The following NLGN4X variants were observed in gnomAD, a reference collection of about 807,000 sequenced individuals.
NLGN4X encodes neuroligin-4, X-linked.
Under a neutral mutation model 40.3 loss-of-function variants are expected in NLGN4X, and 3 were observed. That is an observed-to-expected ratio of 0.07 (90% CI 0.03 to 0.19). The LOEUF (loss-of-function observed/expected upper bound fraction) is 0.19. Among genes scored for constraint, NLGN4X ranks in the 10% least tolerant of loss-of-function variants. The pLI is 1.00. For synonymous variants in NLGN4X, 270 were observed against 306.8 expected, an observed-to-expected ratio of 0.88 and a Z score of 1.25; for missense variants, 382 against 708.3, an observed-to-expected ratio of 0.54 and a Z score of 5.23.
Position 6,037,380 on chromosome X carries a change from A to T in NLGN4X, c.473-7948T>A, listed in dbSNP as rs183629847. On this transcript the variant is annotated intron_variant, in intron 2 of 5. Coordinates refer to ENST00000381095, the MANE Select transcript of NLGN4X (RefSeq NM_181332.3). ...AAGACTATTGTCAAAGTGAAAATTA[A>T]CATCAAAGGAAAACCTCACAGTCAC... Among the ~76,000 whole-genome samples, 3 of 111,003 alleles carry T rather than the reference A, an allele frequency of 2.7e-5. No homozygotes were observed. In the East Asian group the frequency reaches 8.4e-4, roughly 31 times the overall value.
chrX:5,895,856 T>C (rs1399389299), intron 5 of NLGN4X, among the ~76,000 whole-genome samples: 4 of 111,903 alleles, frequency 3.6e-5, no homozygotes, highest in Non-Finnish European at 7.5e-5. Context: ...TATTCTTACA[T>C]GGTTTTGAAA....
intron 2 of NLGN4X, among the ~76,000 whole-genome samples, chrX:6,127,026 C>T (rs952036815): frequency 9.1e-6 from 1 of 110,221 alleles, no homozygotes; most frequent in African/African-American, 3.3e-5. Flanking sequence ...TTCCTCATCT[C>T]CACTCCTCTC....
chrX:6,183,720 T>C (rs1921731539), intron 1 of NLGN4X, among the ~76,000 whole-genome samples: 1 of 111,859 alleles, frequency 8.9e-6, no homozygotes, highest in South Asian at 3.7e-4. Flanking sequence ...AAATCGGTAA[T>C]TTTTTGGTTG....
chrX:6,060,526 G>A (rs890664405), intron 2 of NLGN4X, among the ~76,000 whole-genome samples: 1 of 111,695 alleles, frequency 9.0e-6, no homozygotes, highest in Non-Finnish European at 1.9e-5. Flanking sequence ...CCTCCAGTAG[G>A]TTAATCGAGA....
intron 2 of NLGN4X, among the ~76,000 whole-genome samples, chrX:6,095,872 G>C (rs185667313): frequency 2.1e-4 from 23 of 111,944 alleles, no homozygotes; most frequent in African/African-American, 6.5e-4. Flanking sequence ...GAAAGAAAAA[G>C]GTGGAAAAAT....
intron 1 of NLGN4X, among the ~76,000 whole-genome samples, chrX:6,208,906 C>G (rs1924300530): frequency 8.9e-6 from 1 of 111,922 alleles, no homozygotes; most frequent in African/African-American, 3.2e-5. Context: ...AAAGAAATCG[C>G]TATGTCAAAA....
intron 3 of NLGN4X, among the ~76,000 whole-genome samples, chrX:5,935,909 T>A: frequency 8.9e-6 from 1 of 112,092 alleles, no homozygotes; most frequent in Non-Finnish European, 1.9e-5. Context: ...ATGCTGGTCA[T>A]GACAATTTTG....
At chrX:6,195,182 T>C (rs1922931627) in intron 1 of NLGN4X, among the ~76,000 whole-genome samples, 1 of 112,016 alleles carries the variant, frequency 8.9e-6, no homozygotes, top group African/African-American at 3.2e-5. Context: ...GGTCAGCATC[T>C]AACTTGCTGA....
In NLGN4X at chrX:5,891,571, A is replaced by C; in HGVS notation, c.*1246T>G. ...GGGAACACAGAGCCGTATTTACTCC[A>C]AGGGGCATAGCCCCACCAAAGGCAA... is the stretch of plus-strand genomic sequence containing the variant. On this transcript the variant is annotated 3_prime_UTR_variant, in exon 6 of 6. Coordinates refer to ENST00000381095, the MANE Select transcript of NLGN4X (RefSeq NM_181332.3). The C allele has an allele frequency of 3.7e-6, 1 of 267,771 alleles. No homozygotes were observed. Among genetic ancestry groups the C allele is most frequent in the Non-Finnish European group, 6.9e-6 (1 of 145,722 alleles). The allele number at this position is 267,771 out of a possible 1,213,427, so 22.1% of individuals were successfully genotyped here.
chrX:6,108,468 C>A (rs966322096), intron 2 of NLGN4X, among the ~76,000 whole-genome samples: 1 of 110,668 alleles, frequency 9.0e-6, no homozygotes, highest in African/African-American at 3.3e-5. Context: ...AGTTCAAGAG[C>A]AGCCTGGCCA....
At chrX:5,961,723 T>C (rs1473183179) in intron 3 of NLGN4X, among the ~76,000 whole-genome samples, 1 of 112,248 alleles carries the variant, frequency 8.9e-6, no homozygotes, top group African/African-American at 3.2e-5. Flanking sequence ...CCTATTAAGG[T>C]TGGAAAAGCA....
chrX:6,057,849 T>C (rs2037671701), intron 2 of NLGN4X, among the ~76,000 whole-genome samples: 1 of 111,429 alleles, frequency 9.0e-6, no homozygotes, highest in African/African-American at 3.3e-5. Context: ...TCAACAACAA[T>C]GAAAATACAA....
intron 3 of NLGN4X, among the ~76,000 whole-genome samples, chrX:5,928,858 T>G (rs968324471): frequency 1.5e-4 from 16 of 109,056 alleles, no homozygotes; most frequent in East Asian, 5.8e-4. Context: ...TAATTTTTAG[T>G]TTTTTTTTAG....
chrX:6,209,529 A>G (rs1426242212), intron 1 of NLGN4X, among the ~76,000 whole-genome samples: 1 of 111,784 alleles, frequency 8.9e-6, no homozygotes, highest in Non-Finnish European at 1.9e-5. Flanking sequence ...AAGTTAGTAA[A>G]TCTTGTTTTG....
At chrX:5,973,980 G>C (rs1415584209) in intron 3 of NLGN4X, among the ~76,000 whole-genome samples, 1 of 112,119 alleles carries the variant, frequency 8.9e-6, no homozygotes, top group Non-Finnish European at 1.9e-5. Flanking sequence ...CCTGAAGAAT[G>C]AGGTGGATGT....
At chrX:6,119,524 A>T (rs1395184989) in intron 2 of NLGN4X, among the ~76,000 whole-genome samples, 1 of 111,464 alleles carries the variant, frequency 9.0e-6, no homozygotes, top group African/African-American at 3.3e-5. Context: ...TTGACCATCT[A>T]TGAGTGGGTA....
intron 1 of NLGN4X, among the ~76,000 whole-genome samples, chrX:6,153,500 G>A (rs767660159): frequency 1.2e-4 from 13 of 112,117 alleles, no homozygotes; most frequent in Non-Finnish European, 1.7e-4. Context: ...AAGAGGTGAT[G>A]TCCTGTTTGG....
intron 3 of NLGN4X, among the ~76,000 whole-genome samples, chrX:5,943,156 T>G (rs1362437413): frequency 9.0e-6 from 1 of 111,075 alleles, no homozygotes. Flanking sequence ...TTCAGTGCAT[T>G]AGAAGCTGCC....
intron 2 of NLGN4X, among the ~76,000 whole-genome samples, chrX:6,059,824 T>C (rs1265685014): frequency 8.9e-6 from 1 of 111,736 alleles, no homozygotes; most frequent in African/African-American, 3.3e-5. Flanking sequence ...CTGTCATGTC[T>C]TGTTTACTTT....
Sources: allele counts gnomAD v4.1 joint callset (sites outside exome capture counted in the v4.1 genomes callset), GRCh38; gene constraint gnomAD v4.1.1; transcripts MANE v1.5; gene names NCBI Gene and HGNC (gene_info 2026-07-23, HGNC 2026-07-21).